The following CCPG1 variants were observed in gnomAD, a reference collection of about 807,000 sequenced individuals.
CCPG1 encodes cell cycle progression 1.
In CCPG1, 46 loss-of-function variants were observed where a neutral mutation model predicts 81.3. The ratio of observed to expected loss-of-function variants is 0.57; its 90% CI spans 0.45 to 0.72. The LOEUF is 0.72. Ranked by LOEUF, CCPG1 falls within the 30% of genes least tolerant of loss-of-function variation. CCPG1 has a pLI of 0.00. For synonymous variants in CCPG1, 330 were observed against 305.2 expected, an observed-to-expected ratio of 1.08 and a Z score of -0.85; for missense variants, 902 against 937.6, an observed-to-expected ratio of 0.96 and a Z score of 0.50.
intron 4 of CCPG1, among the ~76,000 whole-genome samples, chr15:55,377,413 C>T (rs998551718): frequency 2.6e-5 from 4 of 152,174 alleles, no homozygotes; most frequent in Admixed American, 2.0e-4. Flanking sequence ...CATCTTTGCC[C>T]CCTCAATAAC....
At chr15:55,387,468 T>C (rs893108673) in intron 2 of CCPG1, among the ~76,000 whole-genome samples, 3 of 152,216 alleles carry the variant, frequency 2.0e-5, no homozygotes, top group Non-Finnish European at 4.4e-5. Flanking sequence ...AAAGGCAATC[T>C]TGTTTTTTTC....
chr15:55,368,590 G>T (rs1214824851), intron 6 of CCPG1, among the ~76,000 whole-genome samples: 1 of 152,192 alleles, frequency 6.6e-6, no homozygotes, highest in Non-Finnish European at 1.5e-5. Flanking sequence ...TTGGAATGTT[G>T]ATAGTCACAA....
intron 1 of CCPG1, among the ~76,000 whole-genome samples, chr15:55,395,040 T>A (rs912463348): frequency 4.6e-5 from 7 of 152,144 alleles, no homozygotes; most frequent in African/African-American, 1.7e-4. Flanking sequence ...TCCCATGTCC[T>A]TGGCTGCAGC....
rs57640801 is a variant in CCPG1 at position 55,379,161 on chromosome 15, C to CGTGTGTGTGTGTGTGTGTGTGT, written c.176-807_176-786dup. On this transcript the variant is annotated intron_variant, in intron 3 of 8. Coordinates refer to ENST00000442196, the MANE Select transcript of CCPG1 (RefSeq NM_001204450.2). Reference sequence around the variant, plus strand: ...TTATGAAAGTATGTATGTATATGTACGTGTGTGTGTGTGTGTGTGTGTGTG... The same window carrying CGTGTGTGTGTGTGTGTGTGTGT: ...TTATGAAAGTATGTATGTATATGTACGTGTGTGTGTGTGTGTGTGTGTGTGTGTGTGTGTGTGTGTGTGTGTG... Among the ~76,000 whole-genome samples the CGTGTGTGTGTGTGTGTGTGTGT allele has an allele frequency of 4.3e-3, 575 of 134,670 alleles. 4 individuals carry two copies. The highest frequency in any genetic ancestry group is 7.3e-3 in the African/African-American group (242 of 33,142). The allele number at this position is 134,670 out of a possible 152,430, so 88.3% of individuals were successfully genotyped here.
At chr15:55,361,626 A>T (rs1304044216) in intron 7 of CCPG1, among the ~76,000 whole-genome samples, 1 of 151,744 alleles carries the variant, frequency 6.6e-6, no homozygotes, top group South Asian at 2.1e-4. Context: ...GAATCGCTTG[A>T]ACCCGGGAGG....
At chr15:55,383,340 G>C (rs2056738982) in intron 3 of CCPG1, among the ~76,000 whole-genome samples, 1 of 152,174 alleles carries the variant, frequency 6.6e-6, no homozygotes, top group African/African-American at 2.4e-5. Context: ...CTGTCACCTA[G>C]GCTTTGTTGT....
At chr15:55,374,828 C>T (rs2056529105) in intron 5 of CCPG1, among the ~76,000 whole-genome samples, 1 of 152,046 alleles carries the variant, frequency 6.6e-6, no homozygotes, top group Non-Finnish European at 1.5e-5. Context: ...AGGCACCTGG[C>T]TAAATTTTGT....
chr15:55,362,203 A>C (rs540894089), intron 7 of CCPG1, among the ~76,000 whole-genome samples: 218 of 152,322 alleles, frequency 1.4e-3, no homozygotes, highest in African/African-American at 5.1e-3. Flanking sequence ...AGCATTATAC[A>C]TCGAGTTAAA....
chr15:55,407,937 C>G (rs2057269299), intron 1 of CCPG1: 1 of 152,740 alleles, frequency 6.5e-6, no homozygotes, highest in South Asian at 2.1e-4. Context: ...GCTCTCCCAC[C>G]CTTGGCGCGC....
intron 6 of CCPG1, 119 bp downstream of exon 6, chr15:55,371,674 C>G (rs1281556787): frequency 9.6e-7 from 1 of 1,036,744 alleles, no homozygotes; most frequent in African/African-American, 1.6e-5. Context: ...AAACAGGCTT[C>G]AAGTTTTCAA....
At chr15:55,372,576 T>C (rs532000817) in intron 5 of CCPG1, 60 of 196,454 alleles carry the variant, frequency 3.1e-4, no homozygotes, top group Admixed American at 2.9e-3. Context: ...GGAGAATCAC[T>C]TGAACCTGGG....
chr15:55,381,732 A>G (rs146576938), intron 3 of CCPG1, among the ~76,000 whole-genome samples: 29 of 152,354 alleles, frequency 1.9e-4, no homozygotes, highest in African/African-American at 3.8e-4. Flanking sequence ...AAATATGAAC[A>G]TAAGTGTATG....
intron 1 of CCPG1, among the ~76,000 whole-genome samples, chr15:55,398,635 G>A (rs759200035): frequency 2.6e-5 from 4 of 151,774 alleles, no homozygotes; most frequent in Non-Finnish European, 2.9e-5. Context: ...AGGCTGGAGA[G>A]CAGTGGCGCG....
chr15:55,407,045 C>CCCACCG (rs1555411248), intron 1 of CCPG1, among the ~76,000 whole-genome samples: 1 of 133,620 alleles, frequency 7.5e-6, no homozygotes, highest in African/African-American at 3.5e-5. Flanking sequence ...AGACCCCCCC[C>CCCACCG]CCCGCCCCGC....
intron 1 of CCPG1, among the ~76,000 whole-genome samples, chr15:55,392,905 C>T (rs2056949389): frequency 1.3e-5 from 2 of 152,018 alleles, no homozygotes; most frequent in Non-Finnish European, 1.5e-5. Context: ...GAGTTCAACA[C>T]CAGCCTGGCA....
At chr15:55,394,375 G>T (rs1201021078) in intron 1 of CCPG1, among the ~76,000 whole-genome samples, 1 of 152,158 alleles carries the variant, frequency 6.6e-6, no homozygotes, top group East Asian at 1.9e-4. Context: ...AAGTGACTGG[G>T]TAACTGGAAG....
At chr15:55,365,419 G>GTTTTTTTTTTTTT (rs111247245) in intron 6 of CCPG1, 110 bp from the exon 7 acceptor site, 6 of 478,412 alleles carry the variant, frequency 1.3e-5, no homozygotes, top group African/African-American at 8.5e-5. Flanking sequence ...TCTTTTTTTT[G>GTTTTTTTTTTTTT]TTTTTTTTTT....
intron 3 of CCPG1, among the ~76,000 whole-genome samples, chr15:55,382,236 A>AGCAT (rs150580856): frequency 0.05 from 7,644 of 152,230 alleles, 268 homozygotes; most frequent in East Asian, 0.16. Flanking sequence ...ATTTCTCTGT[A>AGCAT]GCATGCAATG....
chr15:55,402,395 T>C (rs993859621), intron 1 of CCPG1, among the ~76,000 whole-genome samples: 6 of 152,078 alleles, frequency 3.9e-5, no homozygotes, highest in African/African-American at 9.7e-5. Context: ...GTCAGGCTAA[T>C]TTTTGTATTT....
Sources: allele counts gnomAD v4.1 joint callset (sites outside exome capture counted in the v4.1 genomes callset), GRCh38; gene constraint gnomAD v4.1.1; transcripts MANE v1.5; gene names NCBI Gene and HGNC (gene_info 2026-07-23, HGNC 2026-07-21).